The following INPP5A variants were observed in gnomAD, a reference collection of about 807,000 sequenced individuals.
The protein encoded by INPP5A is inositol polyphosphate-5-phosphatase A.
A neutral mutation model predicts 65.2 loss-of-function variants in INPP5A; 14 were observed. The observed-to-expected ratio is 0.21, with a 90% CI of 0.14 to 0.34. INPP5A has a LOEUF of 0.34. INPP5A is among the 10% of genes least tolerant of loss of function. INPP5A has a pLI of 1.00. For synonymous variants in INPP5A, 207 were observed against 208.3 expected, an observed-to-expected ratio of 0.99 and a Z score of 0.05; for missense variants, 431 against 545.6, an observed-to-expected ratio of 0.79 and a Z score of 2.09.
chr10:132,717,271 G>A (rs1845756771), intron 8 of INPP5A, among the ~76,000 whole-genome samples: 1 of 152,084 alleles, frequency 6.6e-6, no homozygotes, highest in South Asian at 2.1e-4. Context: ...GTGACCTCAG[G>A]TGCTGGCCCC....
chr10:132,629,029 C>T (rs1274013157), intron 2 of INPP5A, among the ~76,000 whole-genome samples: 1 of 152,170 alleles, frequency 6.6e-6, no homozygotes, highest in Non-Finnish European at 1.5e-5. Context: ...GCCGTGGCCG[C>T]ACAGATGGCA....
chr10:132,573,295 T>C (rs1243468829), intron 1 of INPP5A, among the ~76,000 whole-genome samples: 1 of 143,950 alleles, frequency 6.9e-6, no homozygotes, highest in Non-Finnish European at 1.5e-5. Flanking sequence ...TTGGGGTGTG[T>C]GTGCTGTGTG....
intron 4 of INPP5A, among the ~76,000 whole-genome samples, chr10:132,689,619 G>C (rs146798668): frequency 1.6e-4 from 25 of 152,224 alleles, no homozygotes; most frequent in African/African-American, 5.5e-4. Context: ...TTTAGCAAAA[G>C]AAAAAAATAC....
rs981621263 is a variant in INPP5A, at chr10:132,727,856, A to G, written c.732+951A>G. 7.9e-5 allele frequency among the ~76,000 whole-genome samples: 12 copies of G among 152,034 alleles called. No homozygotes were observed. The highest frequency in any genetic ancestry group is 2.4e-4 in the African/African-American group (10 of 41,378). On this transcript the variant is annotated intron_variant, in intron 9 of 15. Transcript: ENST00000368594. This position sits in a 1 kb window ranked among gnomAD's most constrained non-coding sequence, Gnocchi z 6.5. The stretch of plus-strand genomic sequence containing the variant: ...GACATGGTGAGTTGGATGGGGACAC[A>G]GTGAGTTGGATGGGAACACGGTGAG...
rs910089203 is a variant in INPP5A, at chr10:132,703,505, C to A, written c.475-4808C>A. Among the ~76,000 whole-genome samples the A allele has an allele frequency of 2.9e-5, 4 of 139,612 alleles. No homozygotes were observed. In the East Asian group the frequency reaches 6.5e-4, roughly 23 times the overall value. The allele number at this position is 139,612 out of a possible 152,430, so 91.6% of individuals were successfully genotyped here. A position where few individuals can be genotyped will look rare whatever the true frequency, so the allele number is the denominator to read the frequency against. ...TTCACCCCCCACACAGTGTCTTCAC[C>A]CACACACACACACACACACTCACAT... On this transcript the variant is annotated intron_variant, in intron 6 of 15. Coordinates refer to ENST00000368594, the MANE Select transcript of INPP5A (RefSeq NM_005539.5).
rs568427640 is a variant in INPP5A at position 132,613,204 on chromosome 10, C to T, written c.117+5248C>T. On this transcript the variant is annotated intron_variant, in intron 2 of 15. Coordinates refer to ENST00000368594, the MANE Select transcript of INPP5A (RefSeq NM_005539.5). ...AGTGGTGCTGGAAGTGAGTTCTGAG[C>T]GAGGTGGTTCCTCCTGTGACCTGCA... 1.2e-3 allele frequency among the ~76,000 whole-genome samples: 177 copies of T among 152,276 alleles called. 2 individuals are homozygous for T. Among genetic ancestry groups the T allele is most frequent in the African/African-American group, 3.8e-3 (156 of 41,562 alleles).
chr10:132,597,301 G>A (rs1218884924), intron 1 of INPP5A, among the ~76,000 whole-genome samples: 2 of 152,210 alleles, frequency 1.3e-5, no homozygotes, highest in Non-Finnish European at 2.9e-5. Context: ...TCTTCTCTCA[G>A]TCTCAGAAGA....
At chr10:132,656,163 G>A (rs558975575) in intron 4 of INPP5A, among the ~76,000 whole-genome samples, 1 of 152,354 alleles carries the variant, frequency 6.6e-6, no homozygotes, top group East Asian at 1.9e-4. Context: ...TGGCAGTGGG[G>A]ACAGGGTGCA....
intron 4 of INPP5A, among the ~76,000 whole-genome samples, chr10:132,658,809 C>G (rs1459187087): frequency 2.6e-5 from 4 of 152,098 alleles, no homozygotes; most frequent in Non-Finnish European, 5.9e-5. Context: ...GCTGAGACCG[C>G]CAAAGCCACC....
intron 14 of INPP5A, among the ~76,000 whole-genome samples, chr10:132,781,373 A>G (rs992593443): frequency 6.6e-6 from 1 of 152,130 alleles, no homozygotes; most frequent in Admixed American, 6.5e-5. Flanking sequence ...TATTCAGGCA[A>G]CTGCACCTCG....
At chr10:132,694,930 GT>G (rs1382504620) in intron 5 of INPP5A, among the ~76,000 whole-genome samples, 8 of 152,130 alleles carry the variant, frequency 5.3e-5, no homozygotes, top group Non-Finnish European at 1.2e-4. Context: ...AGACCAAATG[GT>G]TTCACTGGTG....
intron 1 of INPP5A, among the ~76,000 whole-genome samples, chr10:132,577,783 C>T (rs1275179907): frequency 6.6e-6 from 1 of 152,190 alleles, no homozygotes; most frequent in Non-Finnish European, 1.5e-5. Context: ...CTCCTAGTGA[C>T]CTCTCCTGGT....
chr10:132,770,424 T>C (rs1298077508), intron 12 of INPP5A, among the ~76,000 whole-genome samples: 1 of 152,258 alleles, frequency 6.6e-6, no homozygotes, highest in Non-Finnish European at 1.5e-5. Flanking sequence ...GTGTGGACGC[T>C]GAGCGTATGG....
Position 132,642,530 on chromosome 10 carries a change from G to A in INPP5A, c.118-3338G>A, listed in dbSNP as rs796367995. Among the ~76,000 whole-genome samples the A allele has an allele frequency of 7.2e-5, 11 of 152,300 alleles. 1 individual carries two copies. The highest frequency in any genetic ancestry group is 2.4e-4 in the African/African-American group (10 of 41,552). On this transcript the variant is annotated intron_variant, in intron 2 of 15. Transcript: ENST00000368594. ...ATCCGTGGGGTCGTTGGAATCTGAG[G>A]ACACATCTTTTCTTGTGATGGCGTT...
intron 8 of INPP5A, among the ~76,000 whole-genome samples, chr10:132,720,762 T>G (rs897885006): frequency 2.0e-5 from 3 of 149,722 alleles, no homozygotes; most frequent in Non-Finnish European, 4.4e-5. Context: ...ACGGCTGTCT[T>G]GCGGGTTCTG....
intron 11 of INPP5A, among the ~76,000 whole-genome samples, chr10:132,752,065 CGTCTGGGTGGAGGCGGGTGCCCAGGAGGT>C (rs1590984087): frequency 6.6e-4 from 27 of 41,180 alleles, no homozygotes; most frequent in Non-Finnish European, 9.4e-4. Context: ...GCCCAGGAGG[CGTCTGGGTGGAGGCGGGTGCCCAGGAGGT>C]GTCTGGGTGG....
chr10:132,549,963 G>A lies in INPP5A; in HGVS notation c.75+11792G>A, dbSNP rs12268844. Reference sequence around the variant, plus strand: ...CCTCGAGTTACTAACCGGGCATTAGGGGATGGGGTCAGCCTCGAGTTACTA... The same window carrying A: ...CCTCGAGTTACTAACCGGGCATTAGAGGATGGGGTCAGCCTCGAGTTACTA... On this transcript the variant is annotated intron_variant, in intron 1 of 15. Coordinates refer to ENST00000368594, the MANE Select transcript of INPP5A (RefSeq NM_005539.5). This position sits in a 1 kb window ranked among gnomAD's most constrained non-coding sequence, Gnocchi z 4.9. Among the ~76,000 whole-genome samples the A allele has an allele frequency of 4.1e-3, 292 of 71,328 alleles. No individual in the cohort carries two copies. Among genetic ancestry groups the A allele is most frequent in the African/African-American group, 0.015 (265 of 17,316 alleles). 46.8% of individuals were successfully genotyped at this position (71,328 alleles called of 152,430 possible).
chr10:132,567,253 C>T (rs546431092), intron 1 of INPP5A, among the ~76,000 whole-genome samples: 3 of 152,328 alleles, frequency 2.0e-5, no homozygotes, highest in African/African-American at 7.2e-5. Context: ...GAAGGAAGCA[C>T]GCAAAAATAC....
In INPP5A at chr10:132,587,769, G is replaced by A. The variant is rs2071563534; in HGVS notation, c.76-20146G>A. 6.6e-6 allele frequency among the ~76,000 whole-genome samples: 1 copy of A among 151,804 alleles called. No homozygotes were observed. The highest frequency in any genetic ancestry group is 6.6e-5 in the Admixed American group (1 of 15,248). ...CTGTAATCCCCCAGCACTTTGGGAG[G>A]CCGAGGCGAGGCGGGCAGATTATCT... is the stretch of plus-strand genomic sequence containing the variant. On this transcript the variant is annotated intron_variant, in intron 1 of 15. Transcript: ENST00000368594. The surrounding 1 kb of genome is among the most constrained non-coding windows in gnomAD (Gnocchi z 4.3).
Sources: allele counts gnomAD v4.1 joint callset (sites outside exome capture counted in the v4.1 genomes callset), GRCh38; gene constraint gnomAD v4.1.1; non-coding constraint Gnocchi (gnomAD v3.1); transcripts MANE v1.5; gene names NCBI Gene and HGNC (gene_info 2026-07-23, HGNC 2026-07-21).